Variants in RNF13 observed in about 807,000 individuals in gnomAD.
The protein encoded by RNF13 is ring finger protein 13, also known as E3 ubiquitin-protein ligase RNF13.
In RNF13, 19 loss-of-function variants were observed where a neutral mutation model predicts 37.7. The ratio of observed to expected loss-of-function variants is 0.50; its 90% CI spans 0.35 to 0.74. RNF13 has a LOEUF of 0.74. Ranked by LOEUF, RNF13 falls within the 30% of genes least tolerant of loss-of-function variation. RNF13 has a pLI of 0.01. For missense variants in RNF13, 375 were observed against 453.0 expected, an observed-to-expected ratio of 0.83 and a Z score of 1.56; for synonymous variants, 144 against 157.8, an observed-to-expected ratio of 0.91 and a Z score of 0.65.
At chr3:149,911,286 G>T (rs1398293905) in intron 6 of RNF13, among the ~76,000 whole-genome samples, 1 of 152,110 alleles carries the variant, frequency 6.6e-6, no homozygotes, top group Admixed American at 6.6e-5. Context: ...TGAGGTGGAG[G>T]TTCTTTTTGG....
intron 7 of RNF13, among the ~76,000 whole-genome samples, chr3:149,914,142 C>T (rs1717260980): frequency 6.6e-6 from 1 of 152,010 alleles, no homozygotes; most frequent in Non-Finnish European, 1.5e-5. Context: ...AACTTTGGCT[C>T]TTGTCATGCT....
At chr3:149,928,800 A>C (rs914990099) in intron 8 of RNF13, among the ~76,000 whole-genome samples, 1 of 152,178 alleles carries the variant, frequency 6.6e-6, no homozygotes, top group East Asian at 1.9e-4. Flanking sequence ...AAGTCTTCCA[A>C]TCCATGAATA....
chr3:149,914,792 G>A (rs1032182560), intron 7 of RNF13, among the ~76,000 whole-genome samples: 2 of 152,008 alleles, frequency 1.3e-5, no homozygotes, highest in African/African-American at 4.8e-5. Flanking sequence ...ACAAAATTTA[G>A]CTGGGTGTGG....
chr3:149,821,870 A>AT (rs1720025958), intron 1 of RNF13, among the ~76,000 whole-genome samples: 1 of 152,146 alleles, frequency 6.6e-6, no homozygotes, highest in Non-Finnish European at 1.5e-5. Flanking sequence ...TTGCATGTGA[A>AT]TAGTTGTCCC....
Position 149,838,294 on chromosome 3 carries a change from G to A in RNF13, c.-16-7717G>A, listed in dbSNP as rs1293354892. ...CTACTATTCTGGCGTCTGGTGGACA[G>A]TGGTCCTCTTCTCACAGCTCCACCA... On this transcript the variant is annotated intron_variant, in intron 1 of 9. Transcript: ENST00000392894. 3.9e-5 allele frequency among the ~76,000 whole-genome samples: 6 copies of A among 152,210 alleles called. No homozygotes were observed. In the South Asian group the frequency reaches 6.2e-4, roughly 16 times the overall value.
At chr3:149,816,148 C>T (rs1719427435) in intron 1 of RNF13, among the ~76,000 whole-genome samples, 1 of 151,478 alleles carries the variant, frequency 6.6e-6, no homozygotes, top group Admixed American at 6.6e-5. Context: ...CATCCACCTG[C>T]TTCAGCCTTC....
At chr3:149,858,516 G>A (rs1022996069) in intron 3 of RNF13, among the ~76,000 whole-genome samples, 11 of 152,310 alleles carry the variant, frequency 7.2e-5, no homozygotes, top group Admixed American at 4.6e-4. Flanking sequence ...TGATCAGTAA[G>A]CCAAGTGTCA....
chr3:149,875,078 T>C (rs1477543307), intron 4 of RNF13, among the ~76,000 whole-genome samples: 2 of 152,142 alleles, frequency 1.3e-5, no homozygotes, highest in Admixed American at 6.5e-5. Flanking sequence ...TGACTTAAGA[T>C]AGTTAGAAAA....
At position 149,961,040 on chromosome 3, in the gene RNF13, A is replaced by T; in HGVS notation, c.1082A>T (p.His361Leu). The T allele has an allele frequency of 6.2e-7, 1 of 1,614,148 alleles. No individual in the cohort carries two copies. The highest frequency in any genetic ancestry group is 8.5e-7 in the Non-Finnish European group (1 of 1,179,964). Residue 361 changes from histidine to leucine, a missense_variant, in exon 10 of 10, where the codon CAT becomes CTT. By Grantham distance (99) the His-to-Leu change is moderately conservative. Transcript: ENST00000392894. ...SSDAENEINE[H>L]DVVVQLQPNG... ...GATGCAGAAAATGAAATTAATGAAC[A>T]TGATGTCGTGGTCCAGTTGCAGCCT...
chr3:149,919,266 T>A (rs1717871518), intron 7 of RNF13, among the ~76,000 whole-genome samples: 1 of 152,184 alleles, frequency 6.6e-6, no homozygotes, highest in Admixed American at 6.6e-5. Flanking sequence ...ACATATATCA[T>A]CCATATGTAA....
chr3:149,960,452 G>T (rs1162881879), intron 9 of RNF13, among the ~76,000 whole-genome samples: 1 of 151,966 alleles, frequency 6.6e-6, no homozygotes, highest in East Asian at 1.9e-4. Context: ...TTAGCTGGGT[G>T]TGGTGGCGGG....
rs1234562724 is a variant in RNF13, at chr3:149,902,119, T to C, written c.457T>C (p.Ser153Pro). 2 of 1,524,442 alleles carry C rather than the reference T, an allele frequency of 1.3e-6. No homozygotes were observed. The highest frequency in any genetic ancestry group is 1.8e-6 in the Non-Finnish European group (2 of 1,132,222). The allele number at this position is 1,524,442 out of a possible 1,614,324, so 94.4% of individuals were successfully genotyped here. Residue 153 changes from serine (S) to proline (P), a missense_variant, in exon 6 of 10, where the codon TCA (serine) becomes CCA (proline). Physicochemically the swap from Ser to Pro is moderately conservative, Grantham distance 74. Coordinates refer to ENST00000392894, the MANE Select transcript of RNF13 (RefSeq NM_183381.3). ...CATTCCATCTGTCTTTATTGGTGAA[T>C]CATCAGCTAATTCTCTGAAAGATGA... ...IDIPSVFIGE[S>P]SANSLKDEFT...
At chr3:149,898,541 A>G (rs1715500005) in intron 5 of RNF13, among the ~76,000 whole-genome samples, 1 of 152,124 alleles carries the variant, frequency 6.6e-6, no homozygotes, top group African/African-American at 2.4e-5. Flanking sequence ...TATATTACCT[A>G]ATATCTATAT....
intron 8 of RNF13, among the ~76,000 whole-genome samples, chr3:149,950,647 T>G (rs565562193): frequency 6.6e-6 from 1 of 152,064 alleles, no homozygotes; most frequent in Non-Finnish European, 1.5e-5. Context: ...GCTAATTTTT[T>G]TTTTTTTTGG....
chr3:149,860,256 TAAAA>T (rs764889596), intron 3 of RNF13, among the ~76,000 whole-genome samples: 37 of 57,812 alleles, frequency 6.4e-4, no homozygotes, highest in African/African-American at 2.5e-3. Flanking sequence ...AGACTCCATC[TAAAA>T]AAAAAAAAAA....
chr3:149,953,581 C>T (rs891017239), intron 8 of RNF13, among the ~76,000 whole-genome samples: 1 of 152,172 alleles, frequency 6.6e-6, no homozygotes, highest in Non-Finnish European at 1.5e-5. Context: ...TATTTCTTAA[C>T]ACTATGAATC....
intron 7 of RNF13, among the ~76,000 whole-genome samples, chr3:149,916,063 GCTTT>G (rs1717474735): frequency 6.6e-6 from 1 of 151,916 alleles, no homozygotes; most frequent in African/African-American, 2.4e-5. Flanking sequence ...ATAAAACTAA[GCTTT>G]CTCTTACTTT....
intron 1 of RNF13, among the ~76,000 whole-genome samples, chr3:149,819,151 T>C (rs1253575309): frequency 1.3e-5 from 2 of 152,212 alleles, no homozygotes; most frequent in Non-Finnish European, 2.9e-5. Flanking sequence ...TACGACTTCT[T>C]GTAAAATATC....
intron 6 of RNF13, among the ~76,000 whole-genome samples, chr3:149,903,831 T>A (rs1184385643): frequency 6.6e-6 from 1 of 152,158 alleles, no homozygotes; most frequent in Non-Finnish European, 1.5e-5. Flanking sequence ...GTCAAATGAA[T>A]TGCAAACATT....
Sources: gnomAD v4.1 joint callset for allele counts (sites outside exome capture counted in the v4.1 genomes callset) on GRCh38, gnomAD v4.1.1 for gene constraint, MANE v1.5 for transcripts, NCBI Gene and HGNC (gene_info 2026-07-23, HGNC 2026-07-21) for gene names.